Variants in KDM4B observed in about 807,000 individuals in gnomAD.
KDM4B encodes lysine-specific demethylase 4B.
A neutral mutation model predicts 125.2 loss-of-function variants in KDM4B; 32 were observed. The ratio of observed to expected loss-of-function variants is 0.26; its 90% CI spans 0.19 to 0.34. The LOEUF (loss-of-function observed/expected upper bound fraction) is 0.34, where lower values mean the gene tolerates loss of function less well. Among genes scored for constraint, KDM4B ranks in the 10% least tolerant of loss-of-function variants. The pLI, the probability that KDM4B is intolerant of heterozygous loss-of-function variation, is 1.00. For synonymous variants in KDM4B, 721 were observed against 677.9 expected (o/e 1.06, Z -0.99); for missense variants, 1,190 against 1,577.7 (o/e 0.75, Z 4.16).
chr19:5,085,269 G>T lies in KDM4B; in HGVS notation c.918+2765G>T, dbSNP rs1397217055. ...GCTTAGCTAAAGGAAGAGAGATCCA[G>T]AAGTTGGGATTTCAGCTTTTTGATC... On this transcript the variant is annotated intron_variant, in intron 9 of 22. Coordinates refer to ENST00000159111, the MANE Select transcript of KDM4B (RefSeq NM_015015.3). 2.0e-5 allele frequency among the ~76,000 whole-genome samples: 3 copies of T among 152,190 alleles called. No individual in the cohort carries two copies. In the East Asian group the frequency reaches 5.8e-4, roughly 29 times the overall value.
At chr19:5,058,976 C>T (rs369787201) in intron 6 of KDM4B, among the ~76,000 whole-genome samples, 7 of 152,252 alleles carry the variant, frequency 4.6e-5, no homozygotes, top group Admixed American at 3.3e-4. Context: ...CAGATAATCC[C>T]GCCAGGCGGT....
chr19:5,096,618 G>A (rs1030387428), intron 9 of KDM4B, among the ~76,000 whole-genome samples: 3 of 150,316 alleles, frequency 2.0e-5, no homozygotes, highest in African/African-American at 2.5e-5. Flanking sequence ...CGGTGCCCCC[G>A]GCGGTGTCGG....
At chr19:5,100,146 C>T (rs988329890) in intron 9 of KDM4B, among the ~76,000 whole-genome samples, 2 of 152,206 alleles carry the variant, frequency 1.3e-5, no homozygotes, top group South Asian at 2.1e-4. Flanking sequence ...CTTTTTGTGT[C>T]CCAAGTGTCC....
At chr19:5,127,214 C>T (rs1051622038) in intron 11 of KDM4B, among the ~76,000 whole-genome samples, 7 of 152,176 alleles carry the variant, frequency 4.6e-5, no homozygotes, top group South Asian at 4.1e-4. Flanking sequence ...GCCCCTCACC[C>T]GCTTCCCTCC....
At chr19:5,033,676 T>C (rs1182690724) in intron 3 of KDM4B, among the ~76,000 whole-genome samples, 1 of 152,202 alleles carries the variant, frequency 6.6e-6, no homozygotes, top group Non-Finnish European at 1.5e-5. Flanking sequence ...AGGTACATAG[T>C]GACCAGGAGC....
intron 4 of KDM4B, among the ~76,000 whole-genome samples, chr19:5,040,370 C>T (rs1040284435): frequency 1.3e-5 from 2 of 152,154 alleles, no homozygotes; most frequent in Non-Finnish European, 2.9e-5. Flanking sequence ...CACAGGCACA[C>T]AGGAGGGCAC....
At chr19:5,040,801 G>T (rs1022948802) in intron 4 of KDM4B, among the ~76,000 whole-genome samples, 1 of 152,180 alleles carries the variant, frequency 6.6e-6, no homozygotes, top group Admixed American at 6.5e-5. Context: ...CAGCCCCCTA[G>T]TCTGTCGTCT....
intron 1 of KDM4B, among the ~76,000 whole-genome samples, chr19:4,988,338 C>T (rs540078530): frequency 2.6e-5 from 4 of 152,136 alleles, no homozygotes; most frequent in South Asian, 4.1e-4. Flanking sequence ...TGCAGTGGTG[C>T]GATCTAGGCT....
At chr19:5,046,306 G>T (rs58798224) in intron 5 of KDM4B, among the ~76,000 whole-genome samples, 6,456 of 152,296 alleles carry the variant, frequency 0.042, 464 homozygotes, top group African/African-American at 0.15. Context: ...CAGCAGAGAA[G>T]CGACTTGCTG....
At chr19:5,049,856 C>T (rs988286708) in intron 6 of KDM4B, among the ~76,000 whole-genome samples, 1 of 152,196 alleles carries the variant, frequency 6.6e-6, no homozygotes, top group Non-Finnish European at 1.5e-5. Context: ...TGGATCCTCA[C>T]TGTGTGCTGT....
chr19:5,099,994 A>G (rs993983795), intron 9 of KDM4B, among the ~76,000 whole-genome samples: 1 of 152,280 alleles, frequency 6.6e-6, no homozygotes, highest in Non-Finnish European at 1.5e-5. Context: ...GGTGGCGGAT[A>G]GTTTGGCTGG....
At chr19:4,991,159 T>C (rs180871685) in intron 1 of KDM4B, among the ~76,000 whole-genome samples, 165 of 152,060 alleles carry the variant, frequency 1.1e-3, no homozygotes, top group Admixed American at 1.8e-3. Flanking sequence ...AACACTGTTA[T>C]GGAGAATTTG....
intron 1 of KDM4B, among the ~76,000 whole-genome samples, chr19:4,977,213 C>T (rs954617559): frequency 2.0e-5 from 3 of 152,174 alleles, no homozygotes; most frequent in African/African-American, 4.8e-5. Flanking sequence ...GCCTCTTTGG[C>T]GGTGGCCGAG....
At chr19:5,111,102 C>T (rs938436085) in intron 10 of KDM4B, among the ~76,000 whole-genome samples, 10 of 152,224 alleles carry the variant, frequency 6.6e-5, no homozygotes, top group African/African-American at 2.4e-4. Context: ...CCCATACTCC[C>T]TGTCATGTCC....
At chr19:5,096,285 A>G (rs551122433) in intron 9 of KDM4B, among the ~76,000 whole-genome samples, 1 of 151,924 alleles carries the variant, frequency 6.6e-6, no homozygotes, top group South Asian at 2.1e-4. Flanking sequence ...GGGTTTCTCC[A>G]TGTTGGCCAG....
At chr19:5,012,379 A>G (rs1395140500) in intron 1 of KDM4B, among the ~76,000 whole-genome samples, 6 of 152,154 alleles carry the variant, frequency 3.9e-5, no homozygotes, top group Admixed American at 1.3e-4. Context: ...GTTGTTAATG[A>G]CACTTCCCGC....
At chr19:5,004,710 C>T (rs2035502845) in intron 1 of KDM4B, among the ~76,000 whole-genome samples, 1 of 152,122 alleles carries the variant, frequency 6.6e-6, no homozygotes, top group African/African-American at 2.4e-5. Flanking sequence ...CGTGAGAAGT[C>T]ACCCACAGAG....
chr19:5,050,624 G>A (rs945129626), intron 6 of KDM4B, among the ~76,000 whole-genome samples: 12 of 152,258 alleles, frequency 7.9e-5, no homozygotes, highest in African/African-American at 2.9e-4. Context: ...CCTGGGGCCA[G>A]GCGCGGTGGT....
intron 4 of KDM4B, 33 bp downstream of exon 4, chr19:5,040,044 C>T (rs770839022): frequency 1.6e-5 from 25 of 1,579,520 alleles, no homozygotes; most frequent in Middle Eastern, 3.8e-4. Flanking sequence ...ACCTGACCCC[C>T]GCCCCCGGGG....
Sources: allele counts gnomAD v4.1 joint callset (sites outside exome capture counted in the v4.1 genomes callset), GRCh38; gene constraint gnomAD v4.1.1; transcripts MANE v1.5; gene names NCBI Gene and HGNC (gene_info 2026-07-23, HGNC 2026-07-21).